The following SVIL variants were observed in gnomAD, a reference collection of about 807,000 sequenced individuals.
The protein encoded by SVIL is supervillin.
A neutral mutation model predicts 240.4 loss-of-function variants in SVIL; 101 were observed. The ratio of observed to expected loss-of-function variants is 0.42; its 90% CI spans 0.36 to 0.50. SVIL has a LOEUF of 0.50. Ranked by LOEUF, SVIL falls within the 20% of genes least tolerant of loss-of-function variation. The pLI is 0.01. For missense variants in SVIL, 2,512 were observed against 2,818.7 expected (o/e 0.89, Z 2.46); for synonymous variants, 999 against 1,100.0 (o/e 0.91, Z 1.82).
chr10:29,530,473 T>C (rs1951278431), intron 11 of SVIL, 134 bp downstream of exon 11: 1 of 908,698 alleles, frequency 1.1e-6, no homozygotes, highest in South Asian at 1.5e-5. Context: ...TTTTTTGAGA[T>C]GGGGGTCTCA....
chr10:29,538,092 A>G (rs1301795755), intron 6 of SVIL, among the ~76,000 whole-genome samples: 1 of 152,206 alleles, frequency 6.6e-6, no homozygotes, highest in South Asian at 2.1e-4. Context: ...GCTGTTGGAA[A>G]TGACATCAAG....
rs1360515690 is a variant in SVIL, at chr10:29,695,434, C to T, written c.-399-8783G>A. On this transcript the variant is annotated intron_variant, in intron 1 of 35. Transcript: ENST00000375400. ...CCAAAAACCATTTGTATCCCTAAAG[C>T]TGTTGAAATTTTAAAAAATTTAAAA... Among the ~76,000 whole-genome samples the T allele has an allele frequency of 4.6e-5, 7 of 152,122 alleles. No homozygotes were observed. The East Asian group carries it at 9.6e-4, about 21-fold the overall frequency.
chr10:29,623,724 C>T (rs189347064), intron 1 of SVIL, among the ~76,000 whole-genome samples: 6 of 152,192 alleles, frequency 3.9e-5, no homozygotes, highest in African/African-American at 7.2e-5. Flanking sequence ...TGGTGGCACG[C>T]GCCTGTAGTC....
intron 12 of SVIL, among the ~76,000 whole-genome samples, chr10:29,528,296 C>CAGCT (rs1951083543): frequency 2.0e-5 from 3 of 152,152 alleles, no homozygotes; most frequent in Admixed American, 6.5e-5. Context: ...GAACTGTAGG[C>CAGCT]AGCTGATCTA....
At chr10:29,481,133 G>GGTGGGTGTGT (rs1554815337) in intron 28 of SVIL, among the ~76,000 whole-genome samples, 40 of 141,324 alleles carry the variant, frequency 2.8e-4, no homozygotes, top group Non-Finnish European at 6.1e-5. Context: ...TAGCTTTAAG[G>GGTGGGTGTGT]GTGTGTGTGT....
chr10:29,509,848 C>T lies in SVIL; in HGVS notation c.3516+2887G>A, dbSNP rs186630226. Among the ~76,000 whole-genome samples, 267 of 151,904 alleles carry T rather than the reference C, an allele frequency of 1.8e-3. 2 individuals carry two copies. Among genetic ancestry groups the T allele is most frequent in the Admixed American group, 0.016 (239 of 15,272 alleles). ...CTGGGCAACGAGAATGAAACTTTGT[C>T]TCAAAAAAAAAAGGAATGAAAACTC... On this transcript the variant is annotated intron_variant, in intron 17 of 37. Coordinates refer to ENST00000355867, the MANE Select transcript of SVIL (RefSeq NM_021738.3).
chr10:29,554,802 G>C lies in SVIL; in HGVS notation c.141C>G (p.Asp47Glu). The C allele has an allele frequency of 6.2e-7, 1 of 1,606,346 alleles. No individual in the cohort carries two copies. The highest frequency in any genetic ancestry group is 8.5e-7 in the Non-Finnish European group (1 of 1,176,490). ...GCTCACCGATGTGGGGGCTGGCAGGGTCGCTGGCTCTCATGTATCGAGGGG... is the reference window on the plus strand; with the variant it reads ...GCTCACCGATGTGGGGGCTGGCAGGCTCGCTGGCTCTCATGTATCGAGGGG... ...EDTPRYMRAS[D>E]PASPHIGRSN... is the part of the protein sequence containing the mutation. The change falls in exon 5 of 38, where the codon GAC becomes GAG. Residue 47 changes from aspartate (D) to glutamate (E), a missense_variant. By Grantham distance (45) the Asp-to-Glu change is conservative. Around this residue, in one of 3 missense-constraint regions of SVIL, gnomAD observed 1,443 missense variants for 1,486.6 expected, o/e 0.97. Coordinates refer to ENST00000355867, the MANE Select transcript of SVIL (RefSeq NM_021738.3).
At chr10:29,558,851 C>T (rs1954185402) in intron 3 of SVIL, among the ~76,000 whole-genome samples, 1 of 150,690 alleles carries the variant, frequency 6.6e-6, no homozygotes, top group Admixed American at 6.6e-5. Context: ...TTGCTTGAAC[C>T]CGGGAGACAG....
chr10:29,497,102 G>C (rs905887836), intron 18 of SVIL, among the ~76,000 whole-genome samples: 5 of 152,154 alleles, frequency 3.3e-5, no homozygotes, highest in African/African-American at 4.8e-5. Flanking sequence ...TCCAAGATAA[G>C]GTAAGAATAG....
At chr10:29,629,299 G>A (rs955362233) in intron 1 of SVIL, among the ~76,000 whole-genome samples, 22 of 152,102 alleles carry the variant, frequency 1.4e-4, no homozygotes, top group African/African-American at 4.8e-4. Flanking sequence ...TCTCCTCCTC[G>A]GAAGCCCCCT....
chr10:29,471,507 A>ATGTTG (rs1389285011), intron 30 of SVIL, among the ~76,000 whole-genome samples: 1 of 152,138 alleles, frequency 6.6e-6, no homozygotes, highest in Non-Finnish European at 1.5e-5. Flanking sequence ...TCTTTACTTA[A>ATGTTG]TGTTGTTCTG....
intron 1 of SVIL, among the ~76,000 whole-genome samples, chr10:29,715,542 T>G (rs1348325193): frequency 6.6e-6 from 1 of 152,206 alleles, no homozygotes; most frequent in Non-Finnish European, 1.5e-5. Context: ...GTAGCTGCAG[T>G]TGACCTATAA....
chr10:29,696,542 G>A (rs1341106314), intron 1 of SVIL, among the ~76,000 whole-genome samples: 1 of 151,342 alleles, frequency 6.6e-6, no homozygotes, highest in African/African-American at 2.4e-5. Context: ...CATCTAGGAA[G>A]TGAGGAGCAT....
intron 2 of SVIL, among the ~76,000 whole-genome samples, chr10:29,686,197 C>T (rs911559118): frequency 3.3e-5 from 5 of 152,186 alleles, no homozygotes; most frequent in African/African-American, 9.7e-5. Flanking sequence ...TGAGTTCCTA[C>T]ACTTTAGTGG....
intron 1 of SVIL, among the ~76,000 whole-genome samples, chr10:29,593,156 GA>G (rs142099029): frequency 0.05 from 7,493 of 149,922 alleles, 290 homozygotes; most frequent in South Asian, 0.12. Context: ...AATACTTGTT[GA>G]AAAAAAAAGA....
chr10:29,554,490 T>TAA (rs946101896), intron 5 of SVIL, among the ~76,000 whole-genome samples: 2,060 of 148,136 alleles, frequency 0.014, 47 homozygotes, highest in African/African-American at 0.048. Context: ...CAAAAATGTT[T>TAA]AAAAAAAAAA....
chr10:29,540,232 C>T (rs1163796250), intron 6 of SVIL, among the ~76,000 whole-genome samples: 1 of 152,146 alleles, frequency 6.6e-6, no homozygotes, highest in East Asian at 1.9e-4. Flanking sequence ...CTAAGGCCCT[C>T]CCCGATCTGT....
intron 1 of SVIL, among the ~76,000 whole-genome samples, chr10:29,714,599 A>G (rs1249158189): frequency 6.6e-6 from 1 of 152,228 alleles, no homozygotes; most frequent in East Asian, 1.9e-4. Flanking sequence ...CTGAACATGC[A>G]GCAGTGTACA....
chr10:29,655,226 A>G (rs1364806461), intron 3 of SVIL, among the ~76,000 whole-genome samples: 1 of 152,172 alleles, frequency 6.6e-6, no homozygotes, highest in Non-Finnish European at 1.5e-5. Flanking sequence ...AAGCTGGGGA[A>G]GAGAGAAGCT....
Sources: allele counts gnomAD v4.1 joint callset (sites outside exome capture counted in the v4.1 genomes callset), GRCh38; gene constraint gnomAD v4.1.1; regional missense constraint gnomAD v4.1.1; transcripts MANE v1.5; gene names NCBI Gene and HGNC (gene_info 2026-07-23, HGNC 2026-07-21).